The following EYS variants were observed in gnomAD, a reference collection of about 807,000 sequenced individuals.
The protein encoded by EYS is protein eyes shut homolog.
EYS carries 250 observed loss-of-function variants against 282.1 expected under a neutral mutation model. That is an observed-to-expected ratio of 0.89 (90% CI 0.80 to 0.98). The LOEUF (loss-of-function observed/expected upper bound fraction) is 0.98. Ranked by LOEUF, EYS falls within the 50% of genes least tolerant of loss-of-function variation. EYS has a pLI of 0.00. For missense variants in EYS, 4,016 were observed against 3,709.0 expected (o/e 1.08, Z -2.15); for synonymous variants, 1,355 against 1,282.9 (o/e 1.06, Z -1.20).
chr6:64,409,667 G>A (rs187939414), intron 28 of EYS, among the ~76,000 whole-genome samples: 3 of 152,174 alleles, frequency 2.0e-5, no homozygotes, highest in East Asian at 3.9e-4. Context: ...ATTATTTTGG[G>A]CGCATTGGCT....
At chr6:64,300,708 T>C (rs1367081122) in intron 30 of EYS, among the ~76,000 whole-genome samples, 1 of 152,218 alleles carries the variant, frequency 6.6e-6, no homozygotes, top group African/African-American at 2.4e-5. Flanking sequence ...ATTTGCAACC[T>C]ATAGGGCCCC....
In EYS at chr6:65,515,535, C is replaced by G. The variant is rs554226646; in HGVS notation, c.-332-19542G>C. ...TATTCACAATAGCAAAGACTTGGAA[C>G]CAATCCAAATGTCCAACAATGATAG... On this transcript the variant is annotated intron_variant, in intron 2 of 42. Coordinates refer to ENST00000503581, the MANE Select transcript of EYS (RefSeq NM_001142800.2). Among the ~76,000 whole-genome samples the G allele has an allele frequency of 3.4e-4, 51 of 151,804 alleles. 1 individual carries two copies. The South Asian group carries it at 0.01, about 31-fold the overall frequency.
At chr6:64,060,985 T>C (rs1051883608) in intron 33 of EYS, among the ~76,000 whole-genome samples, 2 of 152,194 alleles carry the variant, frequency 1.3e-5, no homozygotes, top group African/African-American at 4.8e-5. Context: ...ATACAGTTCT[T>C]GGCCAACATC....
At chr6:64,911,876 G>A (rs1017644523) in intron 16 of EYS, among the ~76,000 whole-genome samples, 2 of 152,114 alleles carry the variant, frequency 1.3e-5, no homozygotes, top group Non-Finnish European at 2.9e-5. Flanking sequence ...AAAGTTTAAT[G>A]ATATAAGCAG....
intron 22 of EYS, among the ~76,000 whole-genome samples, chr6:64,745,511 C>T (rs1440560871): frequency 6.6e-6 from 1 of 150,554 alleles, no homozygotes; most frequent in African/African-American, 2.4e-5. Context: ...ATCAAGGTTC[C>T]AAAATATTTT....
intron 13 of EYS, among the ~76,000 whole-genome samples, chr6:65,028,085 G>C (rs61350703): frequency 0.077 from 11,671 of 151,980 alleles, 565 homozygotes; most frequent in African/African-American, 0.14. Context: ...CATTTGTTTT[G>C]TGTTTATTTC....
At chr6:64,674,339 A>G (rs946841784) in intron 22 of EYS, among the ~76,000 whole-genome samples, 4 of 152,048 alleles carry the variant, frequency 2.6e-5, no homozygotes, top group African/African-American at 9.7e-5. Context: ...TTATTCACTA[A>G]TATTTCAATT....
At chr6:65,698,598 C>G (rs1281230201) in intron 1 of EYS, among the ~76,000 whole-genome samples, 3 of 152,130 alleles carry the variant, frequency 2.0e-5, no homozygotes, top group Non-Finnish European at 4.4e-5. Context: ...GATGTTATAT[C>G]ACATCTTCCT....
intron 41 of EYS, 96 bp downstream of exon 41, chr6:63,762,365 A>G: frequency 1.8e-6 from 2 of 1,120,606 alleles, no homozygotes; most frequent in Non-Finnish European, 1.3e-6. Flanking sequence ...ATTTTATTAT[A>G]TGTACTTTTT....
At chr6:65,033,193 A>G (rs1274806069) in intron 13 of EYS, among the ~76,000 whole-genome samples, 4 of 152,284 alleles carry the variant, frequency 2.6e-5, no homozygotes, top group Middle Eastern at 6.8e-3. Context: ...AAATGACCCA[A>G]AGTTGGAAGT....
At chr6:64,732,014 A>T (rs1166730707) in intron 22 of EYS, among the ~76,000 whole-genome samples, 2 of 152,194 alleles carry the variant, frequency 1.3e-5, no homozygotes, top group Non-Finnish European at 2.9e-5. Context: ...CTTTGTAGTG[A>T]CATGGATGAA....
intron 22 of EYS, among the ~76,000 whole-genome samples, chr6:64,753,546 G>A (rs1772834851): frequency 6.7e-6 from 1 of 149,202 alleles, no homozygotes; most frequent in East Asian, 1.9e-4. Flanking sequence ...AATGATACAG[G>A]GTTCAATTCA....
chr6:64,715,674 C>T (rs1771367626), intron 22 of EYS, among the ~76,000 whole-genome samples: 1 of 152,168 alleles, frequency 6.6e-6, no homozygotes, highest in Admixed American at 6.6e-5. Flanking sequence ...AAAGAAGACC[C>T]TGGCTCAGTC....
rs573409403 is a variant in EYS, at chr6:65,079,231, A to C, written c.2024-21504T>G. Among the ~76,000 whole-genome samples, 4 of 152,198 alleles carry C rather than the reference A, an allele frequency of 2.6e-5. No individual in the cohort carries two copies. In the South Asian group the frequency reaches 8.3e-4, roughly 32 times the overall value. On this transcript the variant is annotated intron_variant, in intron 12 of 42. Coordinates refer to ENST00000503581, the MANE Select transcript of EYS (RefSeq NM_001142800.2). ...AAAAAGTGAATTTTATTTAATAGAA[A>C]CATTGAGAGATGCAGTGTTCAATAT...
intron 14 of EYS, among the ~76,000 whole-genome samples, chr6:64,986,161 T>C (rs1053057679): frequency 1.3e-5 from 2 of 151,398 alleles, no homozygotes; most frequent in African/African-American, 4.8e-5. Flanking sequence ...TACCTTAATT[T>C]CCATTATAAG....
intron 35 of EYS, among the ~76,000 whole-genome samples, chr6:63,886,776 AT>A (rs1399536849): frequency 1.3e-5 from 2 of 152,174 alleles, no homozygotes; most frequent in African/African-American, 4.8e-5. Flanking sequence ...CCCCAAAAGC[AT>A]TAAATCAAAT....
At chr6:65,436,103 A>C (rs1205850082) in intron 5 of EYS, among the ~76,000 whole-genome samples, 1 of 152,186 alleles carries the variant, frequency 6.6e-6, no homozygotes, top group Admixed American at 6.5e-5. Flanking sequence ...TATAACCAAA[A>C]GTAGAAGAAA....
In EYS at chr6:64,640,384, T is replaced by C. The variant is rs563085178; in HGVS notation, c.3444-14139A>G. On this transcript the variant is annotated intron_variant, in intron 22 of 42. Transcript: ENST00000503581. Reference sequence around the variant, plus strand: ...CACATATACACCATGGAATACTATATACAGCCATAAAAATGATGAGTTCAT... The same window carrying C: ...CACATATACACCATGGAATACTATACACAGCCATAAAAATGATGAGTTCAT... 3.6e-3 allele frequency among the ~76,000 whole-genome samples: 554 copies of C among 152,280 alleles called. 2 individuals carry two copies. The highest frequency in any genetic ancestry group is 0.012 in the African/African-American group (519 of 41,548).
intron 12 of EYS, among the ~76,000 whole-genome samples, chr6:65,167,434 T>C (rs1253617389): frequency 1.3e-5 from 2 of 151,296 alleles, no homozygotes; most frequent in Non-Finnish European, 1.5e-5. Flanking sequence ...AATGGGTATA[T>C]TGTACACTTT....
Sources: allele counts gnomAD v4.1 joint callset (sites outside exome capture counted in the v4.1 genomes callset), GRCh38; gene constraint gnomAD v4.1.1; transcripts MANE v1.5; gene names NCBI Gene and HGNC (gene_info 2026-07-23, HGNC 2026-07-21).